The following RIN2 variants were observed in gnomAD, a reference collection of about 807,000 sequenced individuals.
The protein encoded by RIN2 is RAB5 interacting protein 2.
Under a neutral mutation model 78.0 loss-of-function variants are expected in RIN2, and 36 were observed. The observed-to-expected ratio is 0.46, with a 90% CI of 0.35 to 0.61. The LOEUF is 0.61. Among genes scored for constraint, RIN2 ranks in the 20% least tolerant of loss-of-function variants. The pLI, the probability that RIN2 is intolerant of heterozygous loss-of-function variation, is 0.00. For missense variants in RIN2, 1,087 were observed against 1,159.7 expected (o/e 0.94, Z 0.91); for synonymous variants, 466 against 466.8 (o/e 1.00, Z 0.02).
chr20:19,978,115 GC>G (rs2042338484), intron 9 of RIN2, among the ~76,000 whole-genome samples: 1 of 152,008 alleles, frequency 6.6e-6, no homozygotes, highest in Admixed American at 6.6e-5. Context: ...GACTTAGCCA[GC>G]CCACTTGTCT....
At chr20:19,919,652 A>G (rs2039831649) in intron 3 of RIN2, among the ~76,000 whole-genome samples, 1 of 151,980 alleles carries the variant, frequency 6.6e-6, no homozygotes, top group Non-Finnish European at 1.5e-5. Context: ...CTATAAATAC[A>G]AAAATTAGCC....
At chr20:19,931,519 C>T (rs2040437813) in intron 3 of RIN2, among the ~76,000 whole-genome samples, 2 of 152,030 alleles carry the variant, frequency 1.3e-5, no homozygotes, top group African/African-American at 2.4e-5. Flanking sequence ...TATATGGATA[C>T]ATTTTATTTG....
chr20:19,940,980 C>T (rs2040848088), intron 4 of RIN2, among the ~76,000 whole-genome samples: 1 of 152,216 alleles, frequency 6.6e-6, no homozygotes, highest in Non-Finnish European at 1.5e-5. Flanking sequence ...AACTGCAGCT[C>T]ATCCCTTCCT....
intron 7 of RIN2, among the ~76,000 whole-genome samples, chr20:19,967,361 A>G (rs2041971828): frequency 6.6e-6 from 1 of 152,210 alleles, no homozygotes. Flanking sequence ...TTCTCTTTCT[A>G]TGCTACTCAT....
At chr20:19,988,744 A>G (rs771111160) in intron 9 of RIN2, among the ~76,000 whole-genome samples, 4 of 152,242 alleles carry the variant, frequency 2.6e-5, no homozygotes, top group Non-Finnish European at 4.4e-5. Context: ...CTAACTCGGA[A>G]CAGAAACACA....
At chr20:19,910,213 G>A (rs1164053317) in intron 3 of RIN2, among the ~76,000 whole-genome samples, 3 of 151,958 alleles carry the variant, frequency 2.0e-5, no homozygotes, top group African/African-American at 4.8e-5. Flanking sequence ...GTCTCACTCT[G>A]TCACCCAGAC....
intron 3 of RIN2, among the ~76,000 whole-genome samples, chr20:19,917,745 T>C (rs1381124915): frequency 7.0e-6 from 1 of 142,356 alleles, no homozygotes. Context: ...CGATATATAC[T>C]GTACATCTCA....
intron 1 of RIN2, among the ~76,000 whole-genome samples, chr20:19,778,791 T>G (rs1441141184): frequency 6.6e-6 from 1 of 152,122 alleles, no homozygotes; most frequent in Non-Finnish European, 1.5e-5. Context: ...CGGAGGGCCC[T>G]GTGGGGTACA....
chr20:19,869,028 GC>G (rs111599306), intron 2 of RIN2, among the ~76,000 whole-genome samples: 38,286 of 143,794 alleles, frequency 0.27, 5,017 homozygotes, highest in East Asian at 0.33. Flanking sequence ...TTGCAGTTGA[GC>G]CGAGATCACG....
intron 2 of RIN2, among the ~76,000 whole-genome samples, chr20:19,872,987 A>C (rs1212211813): frequency 2.0e-5 from 3 of 152,152 alleles, no homozygotes; most frequent in Non-Finnish European, 4.4e-5. Flanking sequence ...AACTGCTTAA[A>C]ATTTTTTAAA....
rs539883831 is a variant in RIN2 at position 19,833,547 on chromosome 20, G to A, written c.-37+33800G>A. On this transcript the variant is annotated intron_variant, in intron 2 of 12. Transcript: ENST00000255006. The stretch of plus-strand genomic sequence containing the variant: ...TTTTCTGAGTTACTGTTTACAACGT[G>A]TTGAGCTCTTAAAATAGCAAGAATG... 2.0e-5 allele frequency among the ~76,000 whole-genome samples: 3 copies of A among 152,306 alleles called. No individual in the cohort carries two copies. The East Asian group carries it at 5.8e-4, about 29-fold the overall frequency.
intron 3 of RIN2, among the ~76,000 whole-genome samples, chr20:19,901,086 C>T (rs2038961814): frequency 6.6e-6 from 1 of 152,132 alleles, no homozygotes; most frequent in Non-Finnish European, 1.5e-5. Flanking sequence ...ACCACTGCTC[C>T]AGACCCTGTA....
At chr20:19,893,008 G>A (rs1218472966) in intron 3 of RIN2, among the ~76,000 whole-genome samples, 2 of 152,204 alleles carry the variant, frequency 1.3e-5, no homozygotes, top group Non-Finnish European at 2.9e-5. Flanking sequence ...ACCTCATGGA[G>A]CTTTCAGTCT....
chr20:19,935,212 A>G lies in RIN2; in HGVS notation c.158+13A>G, dbSNP rs373132608. 81 of 1,584,226 alleles carry G rather than the reference A, an allele frequency of 5.1e-5. No individual in the cohort carries two copies. Among genetic ancestry groups the G allele is most frequent in the Non-Finnish European group, 6.9e-5 (80 of 1,164,318 alleles). ...CTGAAACCCACAGGTGACCAGAGAC[A>G]CGGTTAGGTGATGGGTGCGAGAAAG... On this transcript the variant is annotated intron_variant, in intron 4 of 12. Coordinates refer to ENST00000255006, the MANE Select transcript of RIN2 (RefSeq NM_018993.4).
chr20:19,832,125 G>T (rs894252822), intron 2 of RIN2, among the ~76,000 whole-genome samples: 1 of 151,808 alleles, frequency 6.6e-6, no homozygotes, highest in Non-Finnish European at 1.5e-5. Flanking sequence ...GTGACTGGCC[G>T]AGGGCACCAC....
intron 4 of RIN2, among the ~76,000 whole-genome samples, chr20:19,946,044 C>T (rs1026813071): frequency 2.0e-5 from 3 of 152,214 alleles, no homozygotes; most frequent in Non-Finnish European, 2.9e-5. Flanking sequence ...TCTCCCTGCC[C>T]GCTAAGCTCC....
chr20:19,819,923 A>G (rs6081754), intron 2 of RIN2, among the ~76,000 whole-genome samples: 10 of 152,320 alleles, frequency 6.6e-5, no homozygotes, highest in Non-Finnish European at 1.3e-4. Context: ...TTCAATTTGT[A>G]TAGGTAATCA....
chr20:19,795,337 T>C (rs1006014233), intron 1 of RIN2, among the ~76,000 whole-genome samples: 1 of 152,224 alleles, frequency 6.6e-6, no homozygotes. Context: ...GCAAATTCAG[T>C]TTTGTGTCTA....
chr20:19,796,734 T>C (rs2035067026), intron 1 of RIN2, among the ~76,000 whole-genome samples: 1 of 152,214 alleles, frequency 6.6e-6, no homozygotes, highest in African/African-American at 2.4e-5. Context: ...TGGAGCTTGC[T>C]TAAAGCTTCA....
Sources: gnomAD v4.1 joint callset for allele counts (sites outside exome capture counted in the v4.1 genomes callset) on GRCh38, gnomAD v4.1.1 for gene constraint, MANE v1.5 for transcripts, NCBI Gene and HGNC (gene_info 2026-07-23, HGNC 2026-07-21) for gene names.